Variants in PTPRD observed in about 807,000 individuals in gnomAD.
The protein encoded by PTPRD is protein tyrosine phosphatase receptor type D.
PTPRD carries 34 observed loss-of-function variants against 214.5 expected under a neutral mutation model. That is an observed-to-expected ratio of 0.16 (90% CI 0.12 to 0.21). PTPRD has a LOEUF of 0.21. Among genes scored for constraint, PTPRD ranks in the 10% least tolerant of loss-of-function variants. The pLI is 1.00. For synonymous variants in PTPRD, 1,128 were observed against 845.7 expected, an observed-to-expected ratio of 1.33 and a Z score of -5.79; for missense variants, 2,545 against 2,398.7, an observed-to-expected ratio of 1.06 and a Z score of -1.27.
chr9:10,573,856 G>C (rs1388055344), intron 2 of PTPRD, among the ~76,000 whole-genome samples: 1 of 152,124 alleles, frequency 6.6e-6, no homozygotes, highest in African/African-American at 2.4e-5. Flanking sequence ...AGAAAGATGA[G>C]TAAGTGAAGC....
chr9:8,547,539 G>C (rs918661676), intron 14 of PTPRD, among the ~76,000 whole-genome samples: 1 of 151,478 alleles, frequency 6.6e-6, no homozygotes, highest in African/African-American at 2.4e-5. Context: ...GCTACTCTCG[G>C]GGCTGAGGCA....
chr9:8,921,465 T>C (rs148815450), intron 11 of PTPRD, among the ~76,000 whole-genome samples: 210 of 152,092 alleles, frequency 1.4e-3, no homozygotes, highest in African/African-American at 4.9e-3. Flanking sequence ...GTGGGGCTTA[T>C]GAATATGTAT....
At chr9:9,655,951 G>A (rs562444081) in intron 7 of PTPRD, among the ~76,000 whole-genome samples, 8 of 152,062 alleles carry the variant, frequency 5.3e-5, no homozygotes, top group South Asian at 4.2e-4. Context: ...GCTCTCCAGC[G>A]GGGGCAACAC....
chr9:9,763,033 G>A (rs2098673740), intron 6 of PTPRD, among the ~76,000 whole-genome samples: 1 of 152,176 alleles, frequency 6.6e-6, no homozygotes, highest in South Asian at 2.1e-4. Context: ...TGTAAGCAGA[G>A]AGGGAAAGAG....
At chr9:8,960,279 A>G (rs1001769800) in intron 11 of PTPRD, among the ~76,000 whole-genome samples, 23 of 152,126 alleles carry the variant, frequency 1.5e-4, no homozygotes, top group African/African-American at 5.6e-4. Context: ...ATTAGTTATT[A>G]TCATTAGTTA....
At chr9:9,164,180 G>A (rs1191368000) in intron 10 of PTPRD, among the ~76,000 whole-genome samples, 6 of 152,044 alleles carry the variant, frequency 3.9e-5, no homozygotes, top group Non-Finnish European at 7.4e-5. Context: ...GGCTAGCAGT[G>A]CCATTTTCCT....
intron 2 of PTPRD, among the ~76,000 whole-genome samples, chr9:10,447,273 T>C (rs919086480): frequency 2.6e-5 from 4 of 152,024 alleles, no homozygotes; most frequent in African/African-American, 9.7e-5. Flanking sequence ...GCACATGGCA[T>C]GCAGAGAAAT....
rs145940916 is a variant in PTPRD at position 9,121,401 on chromosome 9, T to A, written c.-143+61903A>T. On this transcript the variant is annotated intron_variant, in intron 10 of 45. Transcript: ENST00000381196. ...ATGTTTATAGCAGCACAAGTCACAA[T>A]AGGAAAATTGTGGAACCAATCCAAA... is the stretch of plus-strand genomic sequence containing the variant. Among the ~76,000 whole-genome samples the A allele has an allele frequency of 8.3e-3, 1,268 of 152,166 alleles. 13 individuals are homozygous for A. Among genetic ancestry groups the A allele is most frequent in the African/African-American group, 0.028 (1,162 of 41,510 alleles).
Position 8,899,338 on chromosome 9 carries a change from C to T in PTPRD, c.-104+119359G>A, listed in dbSNP as rs116557719. On this transcript the variant is annotated intron_variant, in intron 11 of 45. Coordinates refer to ENST00000381196, the MANE Select transcript of PTPRD (RefSeq NM_002839.4). Reference sequence around the variant, plus strand: ...TTGAACATAATGGACTCTGTGTTCCCGTATTTTTAAAATTGACTGTGTTCT... The same window carrying T: ...TTGAACATAATGGACTCTGTGTTCCTGTATTTTTAAAATTGACTGTGTTCT... Among the ~76,000 whole-genome samples the T allele has an allele frequency of 3.0e-3, 457 of 152,132 alleles. 2 individuals carry two copies. Among genetic ancestry groups the T allele is most frequent in the African/African-American group, 9.9e-3 (411 of 41,500 alleles).
At chr9:10,251,745 A>T (rs577712869) in intron 3 of PTPRD, among the ~76,000 whole-genome samples, 1 of 152,300 alleles carries the variant, frequency 6.6e-6, no homozygotes, top group South Asian at 2.1e-4. Context: ...CCACTTGCTC[A>T]TATCGCAATG....
At chr9:10,039,874 CAA>C (rs1457981628) in intron 3 of PTPRD, among the ~76,000 whole-genome samples, 1 of 151,904 alleles carries the variant, frequency 6.6e-6, no homozygotes, top group Admixed American at 6.6e-5. Flanking sequence ...GTTTGGCAAA[CAA>C]AGAATATGAG....
intron 9 of PTPRD, among the ~76,000 whole-genome samples, chr9:9,360,172 C>A (rs2138966372): frequency 6.7e-6 from 1 of 150,332 alleles, no homozygotes; most frequent in African/African-American, 2.4e-5. Context: ...AAAAATCTGA[C>A]AGTTGTTTGA....
chr9:9,571,089 G>A (rs1296841028), intron 8 of PTPRD, among the ~76,000 whole-genome samples: 3 of 151,308 alleles, frequency 2.0e-5, no homozygotes, highest in East Asian at 1.9e-4. Flanking sequence ...TTCTAAGAAC[G>A]TATTTAAATG....
chr9:9,523,774 T>G (rs2154257812), intron 8 of PTPRD, among the ~76,000 whole-genome samples: 1 of 152,260 alleles, frequency 6.6e-6, no homozygotes, highest in Non-Finnish European at 1.5e-5. Flanking sequence ...CCTACTCTGC[T>G]TTTCTCTCTA....
intron 7 of PTPRD, among the ~76,000 whole-genome samples, chr9:9,704,153 G>C (rs568140127): frequency 6.5e-4 from 99 of 152,234 alleles, no homozygotes; most frequent in Non-Finnish European, 8.1e-4. Context: ...ATAATGCAAA[G>C]TGGCTTTCCG....
At chr9:9,675,165 T>C (rs2096905155) in intron 7 of PTPRD, among the ~76,000 whole-genome samples, 1 of 151,986 alleles carries the variant, frequency 6.6e-6, no homozygotes, top group South Asian at 2.1e-4. Flanking sequence ...ACAAACAATC[T>C]GTATACGTTT....
intron 5 of PTPRD, among the ~76,000 whole-genome samples, chr9:9,878,550 T>C (rs1168777682): frequency 6.6e-6 from 1 of 152,168 alleles, no homozygotes; most frequent in African/African-American, 2.4e-5. Flanking sequence ...AGAGACTTGG[T>C]AAGTTAGAAA....
chr9:8,386,243 A>C (rs2086985470), intron 37 of PTPRD, among the ~76,000 whole-genome samples: 1 of 152,158 alleles, frequency 6.6e-6, no homozygotes, highest in Non-Finnish European at 1.5e-5. Flanking sequence ...TCTGACTGCA[A>C]AGTGCCCTAC....
intron 2 of PTPRD, among the ~76,000 whole-genome samples, chr9:10,361,717 G>A (rs2097396629): frequency 6.6e-6 from 1 of 152,208 alleles, no homozygotes; most frequent in Admixed American, 6.5e-5. Flanking sequence ...TACCATTCCT[G>A]TTAGGTATTG....
Sources: allele counts gnomAD v4.1 joint callset (sites outside exome capture counted in the v4.1 genomes callset), GRCh38; gene constraint gnomAD v4.1.1; transcripts MANE v1.5; gene names NCBI Gene and HGNC (gene_info 2026-07-23, HGNC 2026-07-21).